The following PAPSS1 variants were observed in gnomAD, a reference collection of about 807,000 sequenced individuals.
PAPSS1 encodes the protein bifunctional 3'-phosphoadenosine 5'-phosphosulfate synthase 1.
In PAPSS1, 50 loss-of-function variants were observed where a neutral mutation model predicts 72.0. The ratio of observed to expected loss-of-function variants is 0.69; its 90% CI spans 0.55 to 0.88. PAPSS1 has a LOEUF of 0.88. Ranked by LOEUF, PAPSS1 falls within the 40% of genes least tolerant of loss-of-function variation. The pLI is 0.00. For synonymous variants in PAPSS1, 261 were observed against 263.6 expected (o/e 0.99, Z 0.09); for missense variants, 657 against 782.2 (o/e 0.84, Z 1.91).
intron 1 of PAPSS1, 40 bp from the exon 2 acceptor site, chr4:107,701,325 T>G: frequency 7.8e-7 from 1 of 1,286,506 alleles, no homozygotes; most frequent in Non-Finnish European, 1.1e-6. Context: ...TTTACATGAG[T>G]CCTTTAAAAG....
intron 5 of PAPSS1, among the ~76,000 whole-genome samples, chr4:107,675,578 G>A (rs1183058225): frequency 2.6e-5 from 4 of 152,168 alleles, no homozygotes; most frequent in Non-Finnish European, 5.9e-5. Context: ...GGACCAGATG[G>A]ATTCACAGCC....
At chr4:107,717,602 ACT>A (rs1477615668) in intron 1 of PAPSS1, among the ~76,000 whole-genome samples, 1 of 152,218 alleles carries the variant, frequency 6.6e-6, no homozygotes. Context: ...GCTTTTAACC[ACT>A]GTCTCTCATA....
chr4:107,637,249 C>T (rs1050472233), intron 10 of PAPSS1, among the ~76,000 whole-genome samples: 2 of 152,082 alleles, frequency 1.3e-5, no homozygotes, highest in South Asian at 2.1e-4. Context: ...AATTCATGCC[C>T]CTTTTTATAA....
At chr4:107,617,820 C>T (rs975288463) in intron 11 of PAPSS1, among the ~76,000 whole-genome samples, 2 of 152,168 alleles carry the variant, frequency 1.3e-5, no homozygotes, top group African/African-American at 4.8e-5. Flanking sequence ...CCACCTCTAT[C>T]ATATTCAATG....
At chr4:107,700,001 T>C (rs1723167638) in intron 2 of PAPSS1, among the ~76,000 whole-genome samples, 3 of 152,284 alleles carry the variant, frequency 2.0e-5, no homozygotes, top group African/African-American at 7.2e-5. Context: ...TACCAACTAT[T>C]GACCCATTAA....
At chr4:107,647,579 AC>A (rs995572866) in intron 9 of PAPSS1, among the ~76,000 whole-genome samples, 1 of 152,104 alleles carries the variant, frequency 6.6e-6, no homozygotes, top group Non-Finnish European at 1.5e-5. Flanking sequence ...AAACCACGAA[AC>A]CCAATAAAAT....
At chr4:107,675,639 G>A (rs55755612) in intron 5 of PAPSS1, among the ~76,000 whole-genome samples, 35,349 of 151,994 alleles carry the variant, frequency 0.23, 4,198 homozygotes, top group East Asian at 0.37. Flanking sequence ...TTCTGAAACT[G>A]TTCCAATCAA....
chr4:107,685,726 T>G (rs1203597552), intron 4 of PAPSS1, among the ~76,000 whole-genome samples: 1 of 152,220 alleles, frequency 6.6e-6, no homozygotes, highest in African/African-American at 2.4e-5. Context: ...CTACAGCAGA[T>G]GGAACCTGAC....
At chr4:107,650,905 C>T (rs1386961250) in intron 9 of PAPSS1, among the ~76,000 whole-genome samples, 2 of 152,074 alleles carry the variant, frequency 1.3e-5, no homozygotes, top group African/African-American at 4.8e-5. Flanking sequence ...AAAATCTTTC[C>T]TGAAAACCCT....
At chr4:107,635,009 A>G (rs926237679) in intron 10 of PAPSS1, among the ~76,000 whole-genome samples, 22 of 152,196 alleles carry the variant, frequency 1.4e-4, no homozygotes, top group East Asian at 5.8e-4. Context: ...CGTGTTAGCC[A>G]GGATGGTCTC....
At chr4:107,693,139 T>C (rs532500574) in intron 3 of PAPSS1, among the ~76,000 whole-genome samples, 2 of 152,132 alleles carry the variant, frequency 1.3e-5, no homozygotes, top group African/African-American at 4.8e-5. Context: ...GATCTTAAAA[T>C]AAAAGTTGAA....
chr4:107,644,762 C>A (rs1390638594), intron 10 of PAPSS1, 40 bp downstream of exon 10: 2 of 1,564,340 alleles, frequency 1.3e-6, no homozygotes, highest in Admixed American at 3.5e-5. Context: ...GTAAGAGTGG[C>A]TTTAACACTG....
chr4:107,717,904 A>G (rs1157680544), intron 1 of PAPSS1, among the ~76,000 whole-genome samples: 1 of 152,128 alleles, frequency 6.6e-6, no homozygotes, highest in Non-Finnish European at 1.5e-5. Flanking sequence ...CTCTAGTCCC[A>G]CTGCCACCTT....
At chr4:107,685,077 TG>T (rs1722743050) in intron 4 of PAPSS1, among the ~76,000 whole-genome samples, 2 of 152,168 alleles carry the variant, frequency 1.3e-5, no homozygotes. Context: ...ACTAATTTTT[TG>T]TATTTTTAGT....
chr4:107,700,920 G>A (rs138294114), intron 2 of PAPSS1, among the ~76,000 whole-genome samples: 1,918 of 152,116 alleles, frequency 0.013, 19 homozygotes, highest in Non-Finnish European at 0.016. Context: ...GAAGTGTGTA[G>A]AATTTAATGT....
intron 10 of PAPSS1, among the ~76,000 whole-genome samples, chr4:107,635,714 C>T (rs1343800188): frequency 6.6e-6 from 1 of 152,000 alleles, no homozygotes; most frequent in Non-Finnish European, 1.5e-5. Context: ...ATAAATAAAA[C>T]CACTAACATA....
chr4:107,646,556 CCT>C (rs1560571144), intron 9 of PAPSS1, among the ~76,000 whole-genome samples: 1 of 152,084 alleles, frequency 6.6e-6, no homozygotes, highest in African/African-American at 2.4e-5. Context: ...AGCTGGAACA[CCT>C]TTTTGCACCA....
intron 5 of PAPSS1, among the ~76,000 whole-genome samples, chr4:107,665,607 G>C (rs1262663638): frequency 6.6e-6 from 1 of 152,054 alleles, no homozygotes. Context: ...GGGGGCTCAG[G>C]GAGGCCCTAG....
At chr4:107,668,971 G>A (rs1211218096) in intron 5 of PAPSS1, among the ~76,000 whole-genome samples, 3 of 152,002 alleles carry the variant, frequency 2.0e-5, no homozygotes, top group Non-Finnish European at 2.9e-5. Context: ...ATACTCTAAA[G>A]CTACATAAAT....
Sources: allele counts gnomAD v4.1 joint callset (sites outside exome capture counted in the v4.1 genomes callset), GRCh38; gene constraint gnomAD v4.1.1; transcripts MANE v1.5; gene names NCBI Gene and HGNC (gene_info 2026-07-23, HGNC 2026-07-21).